The following TEF variants were observed in gnomAD, a reference collection of about 807,000 sequenced individuals.
TEF encodes the protein thyrotroph embryonic factor.
Under a neutral mutation model 20.8 loss-of-function variants are expected in TEF, and 3 were observed. The ratio of observed to expected loss-of-function variants is 0.14; its 90% CI spans 0.07 to 0.37. The LOEUF (loss-of-function observed/expected upper bound fraction) is 0.37. TEF is among the 10% of genes least tolerant of loss of function. The probability of loss-of-function intolerance (pLI) is 1.00; values close to 1 mark genes in which losing one functional copy is unlikely to be tolerated. For synonymous variants in TEF, 180 were observed against 171.1 expected (o/e 1.05, Z -0.41); for missense variants, 296 against 397.9 (o/e 0.74, Z 2.18).
rs144380512 is a variant in TEF at position 41,397,850 on chromosome 22, G to C, written c.*1890G>C. 8.3e-4 allele frequency: 126 copies of C among 152,360 alleles called. No individual in the cohort carries two copies. Among genetic ancestry groups the C allele is most frequent in the African/African-American group, 2.9e-3 (120 of 41,582 alleles). The allele number at this position is 152,360 out of a possible 1,614,324, so 9.4% of individuals were successfully genotyped here. A position where few individuals can be genotyped will look rare whatever the true frequency, so the allele number is the denominator to read the frequency against. On this transcript the variant is annotated 3_prime_UTR_variant, in exon 4 of 4. Coordinates refer to ENST00000266304, the MANE Select transcript of TEF (RefSeq NM_003216.4). Reference sequence around the variant, plus strand: ...GGCGGTTCTCATTTTGTTATTAGTGGAAGAGCCTTGAGCTTAAAAGCTCTT... The same window carrying C: ...GGCGGTTCTCATTTTGTTATTAGTGCAAGAGCCTTGAGCTTAAAAGCTCTT...
chr22:41,374,298 C>G (rs1359106371), intron 1 of TEF, among the ~76,000 whole-genome samples: 1 of 151,962 alleles, frequency 6.6e-6, no homozygotes, highest in African/African-American at 2.4e-5. Context: ...CGCCTGTAAT[C>G]CCAGCACTTT....
rs568387430 is a variant in TEF, at chr22:41,369,525, G to A, written c.67+1926G>A. ...TAGATAAAATGAGGGGAAGAGGGCTGAAGAGCCACAGGACTCACAATGACT... is the reference window on the plus strand; with the variant it reads ...TAGATAAAATGAGGGGAAGAGGGCTAAAGAGCCACAGGACTCACAATGACT... On this transcript the variant is annotated intron_variant, in intron 1 of 3. Coordinates refer to the TEF transcript ENST00000406644. Among the ~76,000 whole-genome samples the A allele has an allele frequency of 1.2e-4, 18 of 152,324 alleles. No homozygotes were observed. In the South Asian group the frequency reaches 3.5e-3, roughly 30 times the overall value.
chr22:41,387,087 A>G (rs1198388724), intron 1 of TEF, among the ~76,000 whole-genome samples: 4 of 152,190 alleles, frequency 2.6e-5, no homozygotes, highest in African/African-American at 7.2e-5. Context: ...AATTAACCCT[A>G]TGACCGCTTA....
intron 2 of TEF, among the ~76,000 whole-genome samples, chr22:41,390,447 C>T (rs953916380): frequency 2.0e-5 from 3 of 150,746 alleles, no homozygotes; most frequent in African/African-American, 4.9e-5. Flanking sequence ...CAGATCTATT[C>T]CCTTTCCCTC....
chr22:41,379,735 A>C (rs1400770542), upstream of TEF, among the ~76,000 whole-genome samples: 1 of 151,736 alleles, frequency 6.6e-6, no homozygotes. Context: ...CTCTACTAAA[A>C]ATACAAAATT....
chr22:41,367,652 G>T, intron 1 of TEF: 1 of 1,526,912 alleles, frequency 6.5e-7, no homozygotes. Context: ...TCGAGGGGGC[G>T]AGGGGGCAGC....
chr22:41,387,983 CTTTTTTTTTTTTTTTTTTTT>C (rs530707936), intron 2 of TEF, among the ~76,000 whole-genome samples: 1 of 50,078 alleles, frequency 2.0e-5, no homozygotes, highest in South Asian at 1.1e-3. Context: ...CAATGCTGCT[CTTTTTTTTTTTTTTTTTTTT>C]TTTTTTTTTT....
At chr22:41,388,210 C>A (rs1208453228) in intron 2 of TEF, among the ~76,000 whole-genome samples, 1 of 151,804 alleles carries the variant, frequency 6.6e-6, no homozygotes, top group Non-Finnish European at 1.5e-5. Context: ...GTTGGCCAGG[C>A]TGGTCTCGAA....
At chr22:41,367,846 G>A (rs1204425081) in intron 1 of TEF, among the ~76,000 whole-genome samples, 1 of 152,180 alleles carries the variant, frequency 6.6e-6, no homozygotes, top group Non-Finnish European at 1.5e-5. Context: ...GCCACTGACA[G>A]GTGCTGTGCT....
upstream of TEF, among the ~76,000 whole-genome samples, chr22:41,380,631 G>A (rs974903771): frequency 6.6e-6 from 1 of 152,206 alleles, no homozygotes; most frequent in Admixed American, 6.5e-5. Flanking sequence ...TCTGCCTTCC[G>A]GGAGTTAAGC....
chr22:41,392,694 A>AT (rs1394197723), intron 2 of TEF, among the ~76,000 whole-genome samples: 44 of 144,650 alleles, frequency 3.0e-4, no homozygotes, highest in Middle Eastern at 3.7e-3. Context: ...AAAAAAAAAA[A>AT]GACTAAGTGA....
In TEF at chr22:41,382,210, G is replaced by C. The variant is rs1013935489; in HGVS notation, c.157+9G>C. 4.5e-4 allele frequency: 547 copies of C among 1,226,850 alleles called. 1 individual carries two copies. The highest frequency in any genetic ancestry group is 5.3e-4 in the Non-Finnish European group (521 of 984,440). The allele number at this position is 1,226,850 out of a possible 1,614,324, so 76.0% of individuals were successfully genotyped here. A position where few individuals can be genotyped will look rare whatever the true frequency, so the allele number is the denominator to read the frequency against. Reference sequence around the variant, plus strand: ...GCGCGAGGCGCGCCTCGGTGAGGGCGGGGGGGTGGTCCGCGCGGGCTGGGG... The same window carrying C: ...GCGCGAGGCGCGCCTCGGTGAGGGCCGGGGGGTGGTCCGCGCGGGCTGGGG... On this transcript the variant is annotated intron_variant, in intron 1 of 3. Coordinates refer to ENST00000266304, the MANE Select transcript of TEF (RefSeq NM_003216.4).
chr22:41,389,293 C>T (rs913982028), intron 2 of TEF, among the ~76,000 whole-genome samples: 3 of 151,958 alleles, frequency 2.0e-5, no homozygotes, highest in Non-Finnish European at 2.9e-5. Context: ...GCCAACTACT[C>T]GGGAGGCTGA....
chr22:41,374,640 C>T (rs1176163226), intron 1 of TEF, among the ~76,000 whole-genome samples: 3 of 151,090 alleles, frequency 2.0e-5, no homozygotes, highest in Non-Finnish European at 4.4e-5. Flanking sequence ...TGCTTGAGAC[C>T]AGCAGTTCAA....
chr22:41,397,026 C>T lies in TEF; in HGVS notation c.*1066C>T. On this transcript the variant is annotated 3_prime_UTR_variant, in exon 4 of 4. Coordinates refer to ENST00000266304, the MANE Select transcript of TEF (RefSeq NM_003216.4). ...CCGGTGTGGCCTGGGCTGGAGTGCA[C>T]TCTCCCTGGGGGCAGCTGGGGCCTC... 1 of 399,002 alleles carries T rather than the reference C, an allele frequency of 2.5e-6. No individual in the cohort carries two copies. The highest frequency in any genetic ancestry group is 4.4e-6 in the Non-Finnish European group (1 of 226,440). 24.7% of individuals were successfully genotyped at this position (399,002 alleles called of 1,614,324 possible). A position where few individuals can be genotyped will look rare whatever the true frequency, so the allele number is the denominator to read the frequency against.
chr22:41,375,578 G>A (rs957236215), intron 1 of TEF, among the ~76,000 whole-genome samples: 14 of 152,062 alleles, frequency 9.2e-5, no homozygotes, highest in Admixed American at 2.6e-4. Context: ...GTGAAACCCC[G>A]TCTCTACTAT....
chr22:41,391,050 G>T (rs1178444867), intron 2 of TEF, among the ~76,000 whole-genome samples: 1 of 152,048 alleles, frequency 6.6e-6, no homozygotes, highest in Non-Finnish European at 1.5e-5. Context: ...GGTTTGGCAT[G>T]CCCGAAACTG....
In TEF at chr22:41,385,088, G is replaced by A. The variant is rs1340642520; in HGVS notation, c.158-2263G>A. ...ACTTTCAAATGTTATCTCTGGCCAG[G>A]CCCTGTGGCTTATGCCTGTAATCCC... On this transcript the variant is annotated intron_variant, in intron 1 of 3. Coordinates refer to ENST00000266304, the MANE Select transcript of TEF (RefSeq NM_003216.4). Among the ~76,000 whole-genome samples the A allele has an allele frequency of 2.0e-5, 3 of 152,176 alleles. No homozygotes were observed. In the East Asian group the frequency reaches 5.8e-4, roughly 29 times the overall value.
chr22:41,391,226 C>T (rs908112070), intron 2 of TEF, among the ~76,000 whole-genome samples: 34 of 152,174 alleles, frequency 2.2e-4, no homozygotes, highest in African/African-American at 6.5e-4. Flanking sequence ...GGTGTTCTAT[C>T]TCAGGATAAA....
Sources: allele counts gnomAD v4.1 joint callset (sites outside exome capture counted in the v4.1 genomes callset), GRCh38; gene constraint gnomAD v4.1.1; transcripts MANE v1.5; gene names NCBI Gene and HGNC (gene_info 2026-07-23, HGNC 2026-07-21).